LMO3: variants seen among roughly 807,000 people sequenced by gnomAD.
The protein encoded by LMO3 is LIM domain only 3, also known as LIM domain only protein 3.
In LMO3, 2 loss-of-function variants were observed where a neutral mutation model predicts 15.8. That is an observed-to-expected ratio of 0.13 (90% CI 0.05 to 0.40). The LOEUF (loss-of-function observed/expected upper bound fraction) is 0.40, where lower values mean the gene tolerates loss of function less well. LMO3 is among the 10% of genes least tolerant of loss of function. LMO3 has a pLI of 0.99. For missense variants in LMO3, 86 were observed against 182.2 expected (o/e 0.47, Z 3.04); for synonymous variants, 62 against 63.8 (o/e 0.97, Z 0.13).
intron 1 of LMO3, chr12:16,605,417 C>T: frequency 3.5e-6 from 4 of 1,143,260 alleles, no homozygotes; most frequent in East Asian, 4.5e-5. Context: ...CTTCTAGCCA[C>T]TTCTGCCCCT....
chr12:16,583,503 G>A (rs1203024404), intron 2 of LMO3, among the ~76,000 whole-genome samples: 2 of 152,242 alleles, frequency 1.3e-5, no homozygotes, highest in East Asian at 3.9e-4. Flanking sequence ...CAGAATACTG[G>A]AGGGAATGGA....
At chr12:16,573,218 T>G (rs890128499) in intron 2 of LMO3, among the ~76,000 whole-genome samples, 1 of 152,140 alleles carries the variant, frequency 6.6e-6, no homozygotes, top group African/African-American at 2.4e-5. Context: ...ATTATTCATA[T>G]AAATACTATT....
At position 16,551,225 on chromosome 12, in the gene LMO3, G is replaced by C. The variant is rs758610650; in HGVS notation, c.435C>G (p.Arg145=). The change falls in exon 4 of 4, where the codon CGC becomes CGG. Residue 145 remains arginine, a synonymous_variant. Coordinates refer to ENST00000537304, the MANE Select transcript of LMO3 (RefSeq NM_018640.5). ...TTAATGGGGTGATGTTGATAGATCA[G>C]CGAACCTGGGGTGCATAACCTTCTT... ...LMKEGYAPQV[R] is the part of the protein sequence containing the mutation. The C allele has an allele frequency of 2.5e-6, 4 of 1,586,498 alleles. No individual in the cohort carries two copies. In the African/African-American group the frequency reaches 4.0e-5, roughly 16 times the overall value.
At chr12:16,574,499 A>G (rs188567403) in intron 2 of LMO3, among the ~76,000 whole-genome samples, 6 of 152,180 alleles carry the variant, frequency 3.9e-5, no homozygotes, top group Non-Finnish European at 1.5e-5. Flanking sequence ...ATTACTTGGT[A>G]TTTTTTCTTA....
At chr12:16,602,668 C>G (rs1227818811) in intron 1 of LMO3, among the ~76,000 whole-genome samples, 1 of 151,996 alleles carries the variant, frequency 6.6e-6, no homozygotes, top group Non-Finnish European at 1.5e-5. Context: ...CCCTTGATAG[C>G]TCTGCTAAAT....
rs914366284 is a variant in LMO3, at chr12:16,549,431, A to G, written c.*1791T>C. On this transcript the variant is annotated 3_prime_UTR_variant, in exon 4 of 4. Transcript: ENST00000537304. ...ACCATTTTCTTAAAAATAAGAGGCA[A>G]TATCCAGATTCACATGCATGTTCAT... is the stretch of plus-strand genomic sequence containing the variant. 2 of 152,552 alleles carry G rather than the reference A, an allele frequency of 1.3e-5. No homozygotes were observed. The highest frequency in any genetic ancestry group is 2.9e-5 in the Non-Finnish European group (2 of 67,996). 9.4% of individuals were successfully genotyped at this position (152,552 alleles called of 1,614,324 possible).
chr12:16,606,726 CA>C (rs1217487897), upstream of LMO3: 1 of 152,168 alleles, frequency 6.6e-6, no homozygotes, highest in African/African-American at 2.4e-5. Context: ...GCAGTCAGCA[CA>C]ACCACATGCA....
chr12:16,573,078 A>G (rs1303199015), intron 2 of LMO3, among the ~76,000 whole-genome samples: 1 of 152,094 alleles, frequency 6.6e-6, no homozygotes, highest in South Asian at 2.1e-4. Flanking sequence ...GAAAGAAAAA[A>G]TACCTTTTTT....
intron 2 of LMO3, among the ~76,000 whole-genome samples, chr12:16,578,005 C>G (rs1017148988): frequency 6.6e-6 from 1 of 152,188 alleles, no homozygotes; most frequent in African/African-American, 2.4e-5. Context: ...ACTAATTCCA[C>G]CATCTCATTT....
Position 16,602,251 on chromosome 12 carries a change from A to C in LMO3, c.-8-1383T>G, listed in dbSNP as rs534984568. Reference sequence around the variant, plus strand: ...GCACTTTTGTACATTTTCCTTCTCCAAAACAGCTAAACCTCCTCCAGTTTC... The same window carrying C: ...GCACTTTTGTACATTTTCCTTCTCCCAAACAGCTAAACCTCCTCCAGTTTC... On this transcript the variant is annotated intron_variant, in intron 1 of 3. Coordinates refer to ENST00000537304, the MANE Select transcript of LMO3 (RefSeq NM_018640.5). The C allele has an allele frequency of 5.9e-5, 9 of 152,372 alleles. No homozygotes were observed. In the South Asian group the frequency reaches 1.9e-3, roughly 32 times the overall value. 9.4% of individuals were successfully genotyped at this position (152,372 alleles called of 1,614,324 possible). A position where few individuals can be genotyped will look rare whatever the true frequency, so the allele number is the denominator to read the frequency against.
At chr12:16,552,865 G>A (rs1942042916) in intron 3 of LMO3, among the ~76,000 whole-genome samples, 1 of 152,032 alleles carries the variant, frequency 6.6e-6, no homozygotes. Context: ...GTTTGTGCAA[G>A]CCAGTTTGAT....
Position 16,596,774 on chromosome 12 carries a change from C to T in LMO3, c.206+3881G>A, listed in dbSNP as rs1237215880. Among the ~76,000 whole-genome samples the T allele has an allele frequency of 1.3e-5, 2 of 151,542 alleles. No homozygotes were observed. The highest frequency in any genetic ancestry group is 3.9e-4 in the East Asian group (2 of 5,180). ...GGCGGATAGATCGCAGTGATGAGTA[C>T]CTTAAACATTATCACTACAACTTTG... On this transcript the variant is annotated intron_variant, in intron 2 of 3. Coordinates refer to ENST00000537304, the MANE Select transcript of LMO3 (RefSeq NM_018640.5). This position sits in a 1 kb window ranked among gnomAD's most constrained non-coding sequence, Gnocchi z 4.3.
At position 16,559,303 on chromosome 12, in the gene LMO3, A is replaced by G. The variant is rs1037736467; in HGVS notation, c.332+1110T>C. On this transcript the variant is annotated intron_variant, in intron 3 of 3. Transcript: ENST00000537304. The surrounding 1 kb of genome is among the most constrained non-coding windows in gnomAD (Gnocchi z 4.1). Reference sequence around the variant, plus strand: ...CATATAAAACAGGTGCCAGTAGTATATAGTTTTCACAGAAATAAAAAATAT... The same window carrying G: ...CATATAAAACAGGTGCCAGTAGTATGTAGTTTTCACAGAAATAAAAAATAT... Among the ~76,000 whole-genome samples the G allele has an allele frequency of 6.6e-6, 1 of 152,208 alleles. No homozygotes were observed. The highest frequency in any genetic ancestry group is 2.4e-5 in the African/African-American group (1 of 41,472).
At position 16,586,598 on chromosome 12, in the gene LMO3, C is replaced by T. The variant is rs1004366995; in HGVS notation, c.206+14057G>A. On this transcript the variant is annotated intron_variant, in intron 2 of 3. Transcript: ENST00000537304. The surrounding 1 kb of genome is among the most constrained non-coding windows in gnomAD (Gnocchi z 4.3). ...AAAGACACTGCATTTCATCTTTGGA[C>T]GTCCTTTCTTGGCAGGACCACTTGT... Among the ~76,000 whole-genome samples the T allele has an allele frequency of 2.6e-5, 4 of 152,172 alleles. No homozygotes were observed. The highest frequency in any genetic ancestry group is 4.4e-5 in the Non-Finnish European group (3 of 68,026).
rs1412946682 is a variant in LMO3, at chr12:16,588,814, T to A, written c.206+11841A>T. ...CTTCATTATTAATCACTCTTAAACCTCTTCTTCAATCTTCTCCTCATGTTT... is the reference window on the plus strand; with the variant it reads ...CTTCATTATTAATCACTCTTAAACCACTTCTTCAATCTTCTCCTCATGTTT... On this transcript the variant is annotated intron_variant, in intron 2 of 3. Transcript: ENST00000537304. Among the ~76,000 whole-genome samples the A allele has an allele frequency of 2.0e-5, 3 of 152,098 alleles. No individual in the cohort carries two copies. In the East Asian group the frequency reaches 5.8e-4, roughly 29 times the overall value.
intron 2 of LMO3, among the ~76,000 whole-genome samples, chr12:16,568,083 A>G (rs189206032): frequency 6.6e-6 from 1 of 152,204 alleles, no homozygotes; most frequent in Non-Finnish European, 1.5e-5. Flanking sequence ...AGAAAATAAA[A>G]AGGAATACTA....
chr12:16,567,225 C>A (rs1591787986), intron 2 of LMO3, among the ~76,000 whole-genome samples: 1 of 143,884 alleles, frequency 7.0e-6, no homozygotes, highest in Non-Finnish European at 1.5e-5. Flanking sequence ...AACAAACAAA[C>A]AAAAAACTAC....
chr12:16,605,758 C>T, intron 1 of LMO3: 1 of 1,535,138 alleles, frequency 6.5e-7, no homozygotes, highest in African/African-American at 1.4e-5. Context: ...ATTATCCACT[C>T]GAGTCGTACT....
chr12:16,578,464 C>G (rs1943060931), intron 2 of LMO3, among the ~76,000 whole-genome samples: 1 of 152,110 alleles, frequency 6.6e-6, no homozygotes, highest in Non-Finnish European at 1.5e-5. Context: ...AGTAGATGGT[C>G]TCAGGCTGGC....
Sources: allele counts gnomAD v4.1 joint callset (sites outside exome capture counted in the v4.1 genomes callset), GRCh38; gene constraint gnomAD v4.1.1; non-coding constraint Gnocchi (gnomAD v3.1); transcripts MANE v1.5; gene names NCBI Gene and HGNC (gene_info 2026-07-23, HGNC 2026-07-21).